Variants in PAX8 observed in about 807,000 individuals in gnomAD.
PAX8 encodes paired box 8.
PAX8 carries 15 observed loss-of-function variants against 52.4 expected under a neutral mutation model. That is an observed-to-expected ratio of 0.29 (90% confidence interval 0.19 to 0.44). The LOEUF is 0.44. Ranked by LOEUF, PAX8 falls within the 20% of genes least tolerant of loss-of-function variation. The pLI is 1.00. For missense variants in PAX8, 554 were observed against 602.5 expected, an observed-to-expected ratio of 0.92 and a Z score of 0.84; for synonymous variants, 284 against 249.7, an observed-to-expected ratio of 1.14 and a Z score of -1.29.
intron 2 of PAX8, among the ~76,000 whole-genome samples, chr2:113,253,834 A>C (rs116720265): frequency 9.9e-4 from 151 of 152,298 alleles, no homozygotes; most frequent in Admixed American, 2.0e-3. Flanking sequence ...AAAAAGTCTC[A>C]TAGTCAAGGG....
At chr2:113,272,429 A>T (rs925563634) in intron 2 of PAX8, 4 of 152,222 alleles carry the variant, frequency 2.6e-5, no homozygotes, top group African/African-American at 7.2e-5. Context: ...TGTCAGCCCT[A>T]ACTCTGGACC....
Position 113,236,360 on chromosome 2 carries a change from ACCGGAGGCGCGACCC to A in PAX8, c.898+226_898+240del, listed in dbSNP as rs1690323945. The A allele has an allele frequency of 2.9e-5, 9 of 306,388 alleles. 3 individuals carry two copies. Among genetic ancestry groups the A allele is most frequent in the South Asian group, 2.7e-4 (4 of 14,662 alleles). 19.0% of individuals were successfully genotyped at this position (306,388 alleles called of 1,614,324 possible). A position where few individuals can be genotyped will look rare whatever the true frequency, so the allele number is the denominator to read the frequency against. ...GGCCCACCTTGAGGCCCGGCCTAGG[ACCGGAGGCGCGACCC>A]CTGGGCCCACCTTGAGGCCCGGCCT... On this transcript the variant is annotated intron_variant, in intron 8 of 11. Transcript: ENST00000429538.
chr2:113,262,406 A>G (rs1482339106), intron 2 of PAX8, among the ~76,000 whole-genome samples: 1 of 152,128 alleles, frequency 6.6e-6, no homozygotes, highest in African/African-American at 2.4e-5. Flanking sequence ...GCAATAGGAA[A>G]GGTTCTGGAG....
intron 2 of PAX8, among the ~76,000 whole-genome samples, chr2:113,277,565 C>G (rs1357614316): frequency 6.6e-6 from 1 of 152,136 alleles, no homozygotes; most frequent in Non-Finnish European, 1.5e-5. Context: ...TCACTGCGGG[C>G]CGCGCTGCGC....
At chr2:113,233,723 C>T (rs1322053499) in intron 9 of PAX8, among the ~76,000 whole-genome samples, 2 of 151,380 alleles carry the variant, frequency 1.3e-5, no homozygotes, top group Non-Finnish European at 2.9e-5. Flanking sequence ...ACTTTTATCA[C>T]ATGACCCTGT....
chr2:113,244,871 C>T (rs933394890), intron 3 of PAX8, among the ~76,000 whole-genome samples: 1 of 152,116 alleles, frequency 6.6e-6, no homozygotes, highest in Non-Finnish European at 1.5e-5. Flanking sequence ...CTCTCTCTTC[C>T]TTCCCTCTGG....
chr2:113,241,916 C>T (rs944939755), intron 6 of PAX8, 92 bp downstream of exon 6: 4 of 1,519,320 alleles, frequency 2.6e-6, no homozygotes, highest in Admixed American at 3.7e-5. Flanking sequence ...CTACAAAGTC[C>T]CATATCATAA....
chr2:113,230,791 T>C (rs1446832973), intron 9 of PAX8, among the ~76,000 whole-genome samples: 2 of 152,244 alleles, frequency 1.3e-5, no homozygotes, highest in Non-Finnish European at 2.9e-5. Context: ...GGAAACTCCA[T>C]CACGGCCTAA....
In PAX8 at chr2:113,227,209, G is replaced by C. The variant is rs758369476; in HGVS notation, c.1135C>G (p.Pro379Ala). 1 of 1,611,004 alleles carries C rather than the reference G, an allele frequency of 6.2e-7. No individual in the cohort carries two copies. The highest frequency in any genetic ancestry group is 2.2e-5 in the East Asian group (1 of 44,792). Residue 379 changes from proline to alanine, a missense_variant, in exon 10 of 12, where the codon CCC becomes GCC. Physicochemically the swap from Pro to Ala is conservative, Grantham distance 27. Around this residue, in one of 2 missense-constraint regions of PAX8, gnomAD observed 445 missense variants for 409.9 expected, o/e 1.09. Coordinates refer to ENST00000429538, the MANE Select transcript of PAX8 (RefSeq NM_003466.4). ...GCATAGCTGCCCTGTCCGCTGGTGG[G>C]GATGTGGGGTGGGTATCCGGGCAGC... ...PTLPGYPPHI[P>A]TSGQGSYASS...
intron 3 of PAX8, 34 bp from the exon 4 acceptor site, chr2:113,244,658 A>C: frequency 6.3e-7 from 1 of 1,586,650 alleles, no homozygotes; most frequent in Non-Finnish European, 8.7e-7. Flanking sequence ...GAATTACCCA[A>C]TAAGCAGGTG....
At chr2:113,239,177 C>T (rs1690612312) in intron 7 of PAX8, 1 of 151,852 alleles carries the variant, frequency 6.6e-6, no homozygotes, top group African/African-American at 2.4e-5. Flanking sequence ...AAGCGATTCT[C>T]CTGTCTCAGC....
At chr2:113,230,626 T>C (rs1185764634) in intron 9 of PAX8, 1 of 152,230 alleles carries the variant, frequency 6.6e-6, no homozygotes, top group African/African-American at 2.4e-5. Flanking sequence ...GGTAAGACTT[T>C]CTTCAGCATG....
chr2:113,228,142 G>A lies in PAX8; in HGVS notation c.1088-886C>T, dbSNP rs558373769. ...TTTTGGAGGCCCCACCTGACCTGGC[G>A]AGCATCTCCCCATCTACTGCATATA... On this transcript the variant is annotated intron_variant, in intron 9 of 11. Transcript: ENST00000429538. Among the ~76,000 whole-genome samples the A allele has an allele frequency of 8.5e-5, 13 of 152,114 alleles. No homozygotes were observed. The South Asian group carries it at 1.5e-3, about 17-fold the overall frequency.
Position 113,236,611 on chromosome 2 carries a change from G to A in PAX8, c.888C>T (p.Pro296=), listed in dbSNP as rs370104682. The A allele has an allele frequency of 1.9e-6, 3 of 1,582,708 alleles. No individual in the cohort carries two copies. Among genetic ancestry groups the A allele is most frequent in the Non-Finnish European group, 2.6e-6 (3 of 1,165,258 alleles). The change falls in exon 8 of 12, where the codon CCC becomes CCT. Residue 296 remains proline, a synonymous_variant. Coordinates refer to ENST00000429538, the MANE Select transcript of PAX8 (RefSeq NM_003466.4). ...CTCCGGGCGTTGTACCTGCCACCAC[G>A]GGGTAGGTCTGGTGAGTCGAGAGGT... ...GRNLSTHQTY[P]VVADPHSPFA...
intron 3 of PAX8, 118 bp downstream of exon 3, chr2:113,246,636 G>T: frequency 1.7e-6 from 2 of 1,175,284 alleles, no homozygotes; most frequent in South Asian, 1.4e-5. Flanking sequence ...CAGGACCAAA[G>T]CTGGACATTG....
At chr2:113,239,070 C>CTT (rs35990380) in intron 7 of PAX8, 124 of 137,196 alleles carry the variant, frequency 9.0e-4, no homozygotes, top group East Asian at 1.2e-3. Context: ...TCCCCCTGCC[C>CTT]TTTTTTTTTT....
chr2:113,235,588 G>A lies in PAX8; in HGVS notation c.899-6C>T. On this transcript the variant is annotated splice_polypyrimidine_tract_variant and splice_region_variant and intron_variant, in intron 8 of 11. Transcript: ENST00000429538. The stretch of plus-strand genomic sequence containing the variant: ...GGCGAAGGGTGAGTGAGGATCTGCC[G>A]GAGGGAGGGAGACAACAAGGAGAGA... 2 of 1,603,212 alleles carry A rather than the reference G, an allele frequency of 1.2e-6. No individual in the cohort carries two copies. Among genetic ancestry groups the A allele is most frequent in the Non-Finnish European group, 1.7e-6 (2 of 1,172,768 alleles).
intron 2 of PAX8, among the ~76,000 whole-genome samples, chr2:113,256,935 C>G (rs1692309018): frequency 6.6e-6 from 1 of 152,092 alleles, no homozygotes; most frequent in South Asian, 2.1e-4. Context: ...GTAGACCGTC[C>G]ACAAATGTTA....
At chr2:113,278,519 G>T in intron 1 of PAX8, 50 bp from the exon 2 acceptor site, 1 of 1,401,476 alleles carries the variant, frequency 7.1e-7, no homozygotes, top group South Asian at 1.2e-5. Flanking sequence ...TTCGATGCCT[G>T]CATCCTCAGG....
Sources: gnomAD v4.1 joint callset for allele counts (sites outside exome capture counted in the v4.1 genomes callset) on GRCh38, gnomAD v4.1.1 for gene constraint, gnomAD v4.1.1 regional missense constraint, MANE v1.5 for transcripts, NCBI Gene and HGNC (gene_info 2026-07-23, HGNC 2026-07-21) for gene names.